Variants in HDX observed in about 807,000 individuals in gnomAD.
The protein encoded by HDX is highly divergent homeobox.
A neutral mutation model predicts 45.2 loss-of-function variants in HDX; 19 were observed. The ratio of observed to expected loss-of-function variants is 0.42; its 90% confidence interval spans 0.29 to 0.62. The LOEUF (loss-of-function observed/expected upper bound fraction) is 0.62. Ranked by LOEUF, HDX falls within the 20% of genes least tolerant of loss-of-function variation. The pLI is 0.20. For missense variants in HDX, 532 were observed against 493.9 expected (o/e 1.08, Z -0.73); for synonymous variants, 188 against 172.8 (o/e 1.09, Z -0.69).
At chrX:84,477,433 T>C (rs2040578818) in intron 2 of HDX, among the ~76,000 whole-genome samples, 1 of 111,999 alleles carries the variant, frequency 8.9e-6, no homozygotes, top group Non-Finnish European at 1.9e-5. Flanking sequence ...TCCTTCCCCA[T>C]TGATACCAGT....
Position 84,374,257 on chromosome X carries a change from G to A in HDX, c.1306-12645C>T, listed in dbSNP as rs12387657. 9.6e-3 allele frequency among the ~76,000 whole-genome samples: 1,058 copies of A among 110,219 alleles called. 19 individuals carry two copies. Among genetic ancestry groups the A allele is most frequent in the African/African-American group, 0.034 (1,022 of 30,163 alleles). ...ACAAACCATTGCTCAATGAAATAAA[G>A]GAGGATACAAACAAATGGAAGAACA... On this transcript the variant is annotated intron_variant, in intron 5 of 10. Transcript: ENST00000373177.
chrX:84,348,360 G>C (rs913680538), intron 6 of HDX, among the ~76,000 whole-genome samples: 4 of 111,248 alleles, frequency 3.6e-5, no homozygotes, highest in African/African-American at 1.3e-4. Context: ...TTACCATTCT[G>C]TTCTTGTATG....
Position 84,321,848 on chromosome X carries a change from C to A in HDX, c.*41G>T. The A allele has an allele frequency of 9.0e-7, 1 of 1,114,120 alleles. No individual in the cohort carries two copies. Among genetic ancestry groups the A allele is most frequent in the Non-Finnish European group, 1.2e-6 (1 of 833,965 alleles). The allele number at this position is 1,114,120 out of a possible 1,213,427, so 91.8% of individuals were successfully genotyped here. On this transcript the variant is annotated 3_prime_UTR_variant, in exon 11 of 11. Transcript: ENST00000373177. ...GTTATCTTGAAATGCACACCTGTTA[C>A]GAAGCCAAAAGACTGTATCATATAT...
intron 10 of HDX, among the ~76,000 whole-genome samples, chrX:84,324,645 A>G (rs1276824679): frequency 9.0e-6 from 1 of 111,525 alleles, no homozygotes; most frequent in Non-Finnish European, 1.9e-5. Flanking sequence ...CACATTAATT[A>G]CATTTGTTAT....
rs1403055088 is a variant in HDX at position 84,468,585 on chromosome X, G to A, written c.1138C>T (p.His380Tyr). 2.5e-6 allele frequency: 3 copies of A among 1,199,906 alleles called. No individual in the cohort carries two copies. Among genetic ancestry groups the A allele is most frequent in the East Asian group, 5.9e-5 (2 of 33,792 alleles). Residue 380 changes from histidine (H) to tyrosine (Y), a missense_variant, in exon 4 of 11, where the codon CAT becomes TAT. By Grantham distance (83) the His-to-Tyr change is moderately conservative. Around this residue, in one of 3 missense-constraint regions of HDX, gnomAD observed 376 missense variants for 343.7 expected, o/e 1.09. Transcript: ENST00000373177. ...CTGTACATTGTACTAGATGCTGTAT[G>A]TAATGAGGTCCGTGGTGTCAAATGG... Reference protein sequence around the residue: ...NYHLTPRTSLHTASSTMYSNT... With the variant: ...NYHLTPRTSLYTASSTMYSNT...
intron 10 of HDX, among the ~76,000 whole-genome samples, chrX:84,325,317 C>A (rs1267019548): frequency 3.6e-5 from 4 of 111,116 alleles, no homozygotes; most frequent in Non-Finnish European, 5.7e-5. Context: ...TATTTGTACT[C>A]CTGACATTCC....
At chrX:84,328,607 G>T (rs971091512) in intron 9 of HDX, among the ~76,000 whole-genome samples, 5 of 111,223 alleles carry the variant, frequency 4.5e-5, no homozygotes, top group African/African-American at 1.6e-4. Context: ...TGACCAATAA[G>T]CACGTCAAAA....
intron 5 of HDX, among the ~76,000 whole-genome samples, chrX:84,421,066 T>C (rs945124765): frequency 8.9e-6 from 1 of 111,815 alleles, no homozygotes; most frequent in African/African-American, 3.3e-5. Flanking sequence ...GATGAAGAGA[T>C]AGTAATCATC....
chrX:84,396,279 G>A (rs1255502178), intron 5 of HDX, among the ~76,000 whole-genome samples: 1 of 111,908 alleles, frequency 8.9e-6, no homozygotes, highest in African/African-American at 3.2e-5. Context: ...TTTGATTCTG[G>A]GTGCATGCAG....
In HDX at chrX:84,321,837, C is replaced by T. The variant is rs2036602952; in HGVS notation, c.*52G>A. Reference sequence around the variant, plus strand: ...AACAGAATGCAGTTATCTTGAAATGCACACCTGTTACGAAGCCAAAAGACT... The same window carrying T: ...AACAGAATGCAGTTATCTTGAAATGTACACCTGTTACGAAGCCAAAAGACT... On this transcript the variant is annotated 3_prime_UTR_variant, in exon 11 of 11. Transcript: ENST00000373177. 4 of 1,053,844 alleles carry T rather than the reference C, an allele frequency of 3.8e-6. No homozygotes were observed. Among genetic ancestry groups the T allele is most frequent in the Non-Finnish European group, 5.1e-6 (4 of 786,514 alleles). The allele number at this position is 1,053,844 out of a possible 1,213,427, so 86.8% of individuals were successfully genotyped here.
chrX:84,442,561 T>A (rs1406460662), intron 4 of HDX, among the ~76,000 whole-genome samples: 1 of 111,658 alleles, frequency 9.0e-6, no homozygotes, highest in Non-Finnish European at 1.9e-5. Context: ...AATAATTGAT[T>A]TTTTAATGAT....
intron 5 of HDX, among the ~76,000 whole-genome samples, chrX:84,413,596 A>G (rs2039036178): frequency 8.9e-6 from 1 of 111,836 alleles, no homozygotes; most frequent in South Asian, 3.7e-4. Context: ...TGTAAGGGTA[A>G]TGGCAGCTGA....
intron 10 of HDX, among the ~76,000 whole-genome samples, chrX:84,325,643 A>G (rs912501756): frequency 8.9e-6 from 1 of 111,876 alleles, no homozygotes; most frequent in Non-Finnish European, 1.9e-5. Flanking sequence ...ATACTCAAAT[A>G]CTTAAATTGG....
At chrX:84,431,147 G>A (rs764916852) in intron 5 of HDX, among the ~76,000 whole-genome samples, 1 of 110,217 alleles carries the variant, frequency 9.1e-6, no homozygotes, top group Non-Finnish European at 1.9e-5. Context: ...GTGTTAGTTC[G>A]CTTAGGGTAA....
intron 1 of HDX, among the ~76,000 whole-genome samples, chrX:84,501,231 C>T (rs767855443): frequency 9.0e-5 from 10 of 111,446 alleles, no homozygotes; most frequent in African/African-American, 2.9e-4. Context: ...GTAATAAAAG[C>T]CTTAATATAA....
chrX:84,404,587 G>C (rs1250067530), intron 5 of HDX, among the ~76,000 whole-genome samples: 2 of 111,300 alleles, frequency 1.8e-5, no homozygotes, highest in African/African-American at 3.3e-5. Flanking sequence ...AGATTCTTGA[G>C]GACACAGGAC....
intron 1 of HDX, among the ~76,000 whole-genome samples, chrX:84,494,969 A>G (rs995566747): frequency 9.0e-6 from 1 of 111,712 alleles, no homozygotes; most frequent in Non-Finnish European, 1.9e-5. Flanking sequence ...TGAATGGATA[A>G]AGAAAATGTG....
chrX:84,334,187 C>A (rs1445808978), intron 8 of HDX, among the ~76,000 whole-genome samples: 1 of 111,570 alleles, frequency 9.0e-6, no homozygotes. Flanking sequence ...TGCGAGTAAA[C>A]ATACAATTGA....
intron 5 of HDX, among the ~76,000 whole-genome samples, chrX:84,365,561 G>T (rs113908107): frequency 2.7e-3 from 298 of 111,821 alleles, no homozygotes; most frequent in African/African-American, 9.2e-3. Context: ...TGGCTTGTTT[G>T]AATCATTCTG....
Sources: allele counts gnomAD v4.1 joint callset (sites outside exome capture counted in the v4.1 genomes callset), GRCh38; gene constraint gnomAD v4.1.1; regional missense constraint gnomAD v4.1.1; transcripts MANE v1.5; gene names NCBI Gene and HGNC (gene_info 2026-07-23, HGNC 2026-07-21).